Variants in GGTA1 observed in about 807,000 individuals in gnomAD.
The protein encoded by GGTA1 is glycoprotein alpha-galactosyltransferase 1 (inactive), also known as inactive N-acetyllactosaminide alpha-1,3-galactosyltransferase.
GGTA1 carries 5 observed loss-of-function variants against 2.6 expected under a neutral mutation model. That is an observed-to-expected ratio of 1.92 (90% confidence interval 1.00 to 4.04). The LOEUF is 4.04. GGTA1 is among the 30% of genes most tolerant of loss of function. The pLI is 0.00. For missense variants in GGTA1, 50 were observed against 16.7 expected (o/e 2.99, Z -3.47); for synonymous variants, 17 against 5.0 (o/e 3.38, Z -3.19).
chr9:121,462,715 C>T (rs1047798114), intron 3 of GGTA1: 2 of 151,938 alleles, frequency 1.3e-5, no homozygotes, highest in African/African-American at 4.8e-5. Flanking sequence ...GACATGTGGG[C>T]ACAAAAGCCG....
intron 5 of GGTA1, among the ~76,000 whole-genome samples, chr9:121,459,244 C>G (rs575059107): frequency 1.3e-5 from 2 of 152,174 alleles, no homozygotes; most frequent in East Asian, 3.9e-4. Flanking sequence ...ATCACTTAAG[C>G]CCAGGAGTTC....
intron 1 of GGTA1, among the ~76,000 whole-genome samples, chr9:121,472,377 C>A (rs1365807722): frequency 1.3e-5 from 2 of 151,946 alleles, no homozygotes; most frequent in Non-Finnish European, 2.9e-5. Context: ...AAATATTTAG[C>A]ACTGTGCCTG....
At chr9:121,491,204 T>C (rs1241355398) in intron 1 of GGTA1, among the ~76,000 whole-genome samples, 2 of 152,178 alleles carry the variant, frequency 1.3e-5, no homozygotes, top group African/African-American at 4.8e-5. Flanking sequence ...GAAAGTGTCT[T>C]GGCTTTTCCC....
chr9:121,486,013 C>T (rs980275581), intron 1 of GGTA1, among the ~76,000 whole-genome samples: 6 of 152,206 alleles, frequency 3.9e-5, no homozygotes, highest in African/African-American at 1.4e-4. Context: ...CTCTAGGCCT[C>T]GGTTTCCACA....
intron 1 of GGTA1, among the ~76,000 whole-genome samples, chr9:121,469,685 G>A (rs1828342279): frequency 6.6e-6 from 1 of 152,164 alleles, no homozygotes; most frequent in Non-Finnish European, 1.5e-5. Flanking sequence ...AACCTCTCTG[G>A]CTGAGGAGAT....
chr9:121,458,080 T>C (rs982662199), intron 5 of GGTA1, among the ~76,000 whole-genome samples: 1 of 151,690 alleles, frequency 6.6e-6, no homozygotes, highest in Non-Finnish European at 1.5e-5. Context: ...CAGCTGATTT[T>C]TTGTTTTGCA....
At chr9:121,480,190 G>A (rs752496267) in intron 1 of GGTA1, among the ~76,000 whole-genome samples, 5 of 151,900 alleles carry the variant, frequency 3.3e-5, no homozygotes, top group African/African-American at 7.3e-5. Flanking sequence ...CGAGTAGCTG[G>A]GACTACAGGC....
At position 121,460,237 on chromosome 9, in the gene GGTA1, G is replaced by A. The variant is rs1318806088; in HGVS notation, c.183-18C>T. The stretch of plus-strand genomic sequence containing the variant: ...TGTGGATCCTAAGTACAAAGGGAAA[G>A]TAAACCAGGTAAGGCAGGGAAGGTG... On this transcript the variant is annotated intron_variant, in intron 4 of 5. Transcript: ENST00000481799. 2.2e-6 allele frequency: 1 copy of A among 457,072 alleles called. No individual in the cohort carries two copies. The highest frequency in any genetic ancestry group is 2.0e-5 in the African/African-American group (1 of 50,076). 28.3% of individuals were successfully genotyped at this position (457,072 alleles called of 1,614,324 possible).
At chr9:121,452,564 G>T (rs568844043), downstream of GGTA1, among the ~76,000 whole-genome samples, 202 of 151,948 alleles carry the variant, frequency 1.3e-3, no homozygotes, top group African/African-American at 4.7e-3. Context: ...TGTCACCCAG[G>T]CTGGAGTGCA....
intron 1 of GGTA1, among the ~76,000 whole-genome samples, chr9:121,498,246 T>G (rs1292430934): frequency 6.6e-6 from 1 of 152,226 alleles, no homozygotes; most frequent in Admixed American, 6.5e-5. Flanking sequence ...AGTTGAAACT[T>G]CTGGACTGGG....
At chr9:121,494,630 T>C (rs1258997367) in intron 1 of GGTA1, 1 of 152,204 alleles carries the variant, frequency 6.6e-6, no homozygotes, top group East Asian at 1.9e-4. Flanking sequence ...ATAGATCAGG[T>C]GTCTGCACTA....
At chr9:121,477,106 G>A (rs1374597487) in intron 1 of GGTA1, among the ~76,000 whole-genome samples, 3 of 152,238 alleles carry the variant, frequency 2.0e-5, no homozygotes, top group African/African-American at 4.8e-5. Context: ...ACCCAGGTTC[G>A]TCTGCCTCAC....
At chr9:121,453,210 T>G (rs1210073903), downstream of GGTA1, among the ~76,000 whole-genome samples, 1 of 152,248 alleles carries the variant, frequency 6.6e-6, no homozygotes, top group Non-Finnish European at 1.5e-5. Flanking sequence ...GGAAGGCATT[T>G]GATGGAGGCC....
intron 2 of GGTA1, among the ~76,000 whole-genome samples, chr9:121,466,921 C>T (rs1379172282): frequency 6.7e-6 from 1 of 149,278 alleles, no homozygotes; most frequent in East Asian, 1.9e-4. Flanking sequence ...CCACTGTGTT[C>T]CAGCCTAGGT....
intron 1 of GGTA1, among the ~76,000 whole-genome samples, chr9:121,492,083 G>A (rs1330113202): frequency 3.9e-5 from 6 of 152,194 alleles, no homozygotes; most frequent in Admixed American, 3.3e-4. Flanking sequence ...TGCTGAATGA[G>A]TATCTGATTC....
chr9:121,482,910 C>T (rs958989611), intron 1 of GGTA1, among the ~76,000 whole-genome samples: 2 of 152,128 alleles, frequency 1.3e-5, no homozygotes, highest in Admixed American at 1.3e-4. Context: ...AAGATCGCTC[C>T]ACTGCACTCC....
chr9:121,460,842 T>C (rs1325854968), intron 4 of GGTA1, among the ~76,000 whole-genome samples: 1 of 150,948 alleles, frequency 6.6e-6, no homozygotes, highest in Non-Finnish European at 1.5e-5. Context: ...CAAAACTGCA[T>C]CTCAAAAAAA....
chr9:121,474,404 T>C (rs1410467057), intron 1 of GGTA1, among the ~76,000 whole-genome samples: 2 of 152,206 alleles, frequency 1.3e-5, no homozygotes, highest in Non-Finnish European at 1.5e-5. Flanking sequence ...ATGCTAAAAA[T>C]ATAGAGGCAT....
intron 1 of GGTA1, among the ~76,000 whole-genome samples, chr9:121,499,378 C>T (rs1829058172): frequency 6.6e-6 from 1 of 152,162 alleles, no homozygotes; most frequent in African/African-American, 2.4e-5. Context: ...GTGGGGGAAC[C>T]TCAGCTTGCA....
Sources: gnomAD v4.1 joint callset for allele counts (sites outside exome capture counted in the v4.1 genomes callset) on GRCh38, gnomAD v4.1.1 for gene constraint, MANE v1.5 for transcripts, NCBI Gene and HGNC (gene_info 2026-07-23, HGNC 2026-07-21) for gene names.